Variants in EEF2K observed in about 807,000 individuals in gnomAD.
EEF2K encodes eukaryotic elongation factor 2 kinase.
In EEF2K, 70 loss-of-function variants were observed where a neutral mutation model predicts 93.8. That is an observed-to-expected ratio of 0.75 (90% CI 0.62 to 0.91). The LOEUF (loss-of-function observed/expected upper bound fraction) is 0.91, where lower values mean the gene tolerates loss of function less well. EEF2K is among the 40% of genes least tolerant of loss of function. The probability of loss-of-function intolerance (pLI) is 0.00; values close to 1 mark genes in which losing one functional copy is unlikely to be tolerated. For synonymous variants in EEF2K, 376 were observed against 380.8 expected (o/e 0.99, Z 0.15); for missense variants, 935 against 972.9 (o/e 0.96, Z 0.52).
chr16:22,248,890 C>T (rs2141668260), intron 4 of EEF2K, 75 bp downstream of exon 4: 3 of 1,441,992 alleles, frequency 2.1e-6, no homozygotes, highest in Non-Finnish European at 2.9e-6. Context: ...TCTGTGCACC[C>T]TTCTCTCCCA....
At chr16:22,241,659 A>C (rs1433549338) in intron 2 of EEF2K, among the ~76,000 whole-genome samples, 1 of 151,484 alleles carries the variant, frequency 6.6e-6, no homozygotes, top group African/African-American at 2.4e-5. Flanking sequence ...AAAAAAAAAA[A>C]AAACATATAG....
rs1028032473 is a variant in EEF2K at position 22,286,656 on chromosome 16, G to C, written c.*2660G>C. 1 of 152,206 alleles carries C rather than the reference G, an allele frequency of 6.6e-6. No homozygotes were observed. Among genetic ancestry groups the C allele is most frequent in the Non-Finnish European group, 1.5e-5 (1 of 68,034 alleles). The allele number at this position is 152,206 out of a possible 1,614,324, so 9.4% of individuals were successfully genotyped here. A position where few individuals can be genotyped will look rare whatever the true frequency, so the allele number is the denominator to read the frequency against. ...AAACGGGTGGCCCTTTTGGGCTGTAGTTTGTCAACCCTTGCTCTAACCCTT... is the reference window on the plus strand; with the variant it reads ...AAACGGGTGGCCCTTTTGGGCTGTACTTTGTCAACCCTTGCTCTAACCCTT... On this transcript the variant is annotated 3_prime_UTR_variant, in exon 18 of 18. Coordinates refer to ENST00000263026, the MANE Select transcript of EEF2K (RefSeq NM_013302.5).
rs745362197 is a variant in EEF2K at position 22,258,490 on chromosome 16, C to A, written c.1030-4C>A. ...GACATGAGTATCCCTATTAATGTCC[C>A]TAGCAATCAGCCAAGACCATCTTGA... On this transcript the variant is annotated splice_region_variant and splice_polypyrimidine_tract_variant and intron_variant, in intron 9 of 17. Coordinates refer to ENST00000263026, the MANE Select transcript of EEF2K (RefSeq NM_013302.5). 1.2e-6 allele frequency: 2 copies of A among 1,613,844 alleles called. No homozygotes were observed. Among genetic ancestry groups the A allele is most frequent in the Admixed American group, 3.3e-5 (2 of 59,980 alleles).
At chr16:22,214,503 A>T (rs1187070835) in intron 1 of EEF2K, among the ~76,000 whole-genome samples, 1 of 152,014 alleles carries the variant, frequency 6.6e-6, no homozygotes, top group Non-Finnish European at 1.5e-5. Flanking sequence ...CTATAAAAAT[A>T]AAATAACATA....
Position 22,251,311 on chromosome 16 carries a change from C to T in EEF2K, c.607C>T (p.Pro203Ser). The change falls in exon 6 of 18, where the codon CCC (proline) becomes TCC (serine). Residue 203 changes from proline to serine, a missense_variant. Coordinates refer to ENST00000263026, the MANE Select transcript of EEF2K (RefSeq NM_013302.5). ...GGGGGAGGAGTATAATCGGCACAAG[C>T]CCCCCAAGCAGGTGCGTGGCCCCAC... ...LWGEEYNRHK[P>S]PKQVDIMQMC... 10 of 1,613,904 alleles carry T rather than the reference C, an allele frequency of 6.2e-6. No homozygotes were observed. Among genetic ancestry groups the T allele is most frequent in the South Asian group, 2.2e-5 (2 of 91,062 alleles).
chr16:22,273,815 G>A lies in EEF2K; in HGVS notation c.1889+65G>A, dbSNP rs181491727. On this transcript the variant is annotated intron_variant, in intron 16 of 17. Transcript: ENST00000263026. ...GGGCTGCAGGTGGGCGCTTGTCCTC[G>A]GTATCAGCACAGGCCTGGGTTCCAG... 46 of 1,591,936 alleles carry A rather than the reference G, an allele frequency of 2.9e-5. No individual in the cohort carries two copies. In the African/African-American group the frequency reaches 3.4e-4, roughly 12 times the overall value.
chr16:22,262,813 G>T (rs11649134), intron 11 of EEF2K, among the ~76,000 whole-genome samples: 14,279 of 152,164 alleles, frequency 0.094, 720 homozygotes, highest in South Asian at 0.13. Flanking sequence ...ATAAAGCCAG[G>T]ATTTGAGCCC....
chr16:22,222,303 T>C (rs1300038279), intron 1 of EEF2K, among the ~76,000 whole-genome samples: 1 of 151,780 alleles, frequency 6.6e-6, no homozygotes, highest in Admixed American at 6.6e-5. Flanking sequence ...CCTCCTGGGC[T>C]CAAGTGATCT....
Position 22,260,386 on chromosome 16 carries a change from G to A in EEF2K, c.1232-76G>A, listed in dbSNP as rs9934052. On this transcript the variant is annotated intron_variant, in intron 10 of 17. Transcript: ENST00000263026. ...AAAGGCTTGGTGGCAGGTATGGACC[G>A]CCCTAGGCCGTGGGTTGGTCTTATG... is the stretch of plus-strand genomic sequence containing the variant. The A allele has an allele frequency of 0.013, 19,870 of 1,515,534 alleles. 2,091 individuals carry two copies. In the African/African-American group the frequency reaches 0.23, roughly 18 times the overall value. The allele number at this position is 1,515,534 out of a possible 1,614,324, so 93.9% of individuals were successfully genotyped here.
At position 22,258,584 on chromosome 16, in the gene EEF2K, C is replaced by T. The variant is rs183300451; in HGVS notation, c.1120C>T (p.Arg374Cys). 2.2e-5 allele frequency: 35 copies of T among 1,614,148 alleles called. No individual in the cohort carries two copies. Among genetic ancestry groups the T allele is most frequent in the Middle Eastern group, 1.6e-4 (1 of 6,062 alleles). ...TLSGSRPPLLRPLSENSGDEN... is the reference protein window; with the variant it reads ...TLSGSRPPLLCPLSENSGDEN... ...CTCTGGGAGCCGGCCACCCCTGCTC[C>T]GTCCCCTTTCAGAGAACTCTGGAGA... The change falls in exon 10 of 18, where the codon CGT becomes TGT. Residue 374 changes from arginine (R) to cysteine (C), a missense_variant. By Grantham distance (180) the Arg-to-Cys change is radical. Coordinates refer to ENST00000263026, the MANE Select transcript of EEF2K (RefSeq NM_013302.5).
chr16:22,286,214 A>T lies in EEF2K; in HGVS notation c.*2218A>T, dbSNP rs1320805663. The T allele has an allele frequency of 1.3e-5, 2 of 152,172 alleles. No individual in the cohort carries two copies. Among genetic ancestry groups the T allele is most frequent in the African/African-American group, 2.4e-5 (1 of 41,434 alleles). 9.4% of individuals were successfully genotyped at this position (152,172 alleles called of 1,614,324 possible). A position where few individuals can be genotyped will look rare whatever the true frequency, so the allele number is the denominator to read the frequency against. The stretch of plus-strand genomic sequence containing the variant: ...ATCACCCTTTTGTCATCTGTACCAG[A>T]TCAGTAGTTGGCTTGTGTTACATTT... On this transcript the variant is annotated 3_prime_UTR_variant, in exon 18 of 18. Coordinates refer to ENST00000263026, the MANE Select transcript of EEF2K (RefSeq NM_013302.5).
At chr16:22,280,677 T>A (rs1272127156) in intron 17 of EEF2K, among the ~76,000 whole-genome samples, 1 of 149,842 alleles carries the variant, frequency 6.7e-6, no homozygotes, top group Non-Finnish European at 1.5e-5. Context: ...TTTTTTTTTT[T>A]TTTTTGAGAC....
In EEF2K at chr16:22,266,387, C is replaced by T. The variant is rs768580894; in HGVS notation, c.1441-3C>T. The T allele has an allele frequency of 9.3e-6, 15 of 1,612,938 alleles. No individual in the cohort carries two copies. The highest frequency in any genetic ancestry group is 1.7e-5 in the Admixed American group (1 of 59,592). On this transcript the variant is annotated splice_polypyrimidine_tract_variant and splice_region_variant and intron_variant, in intron 13 of 17. Coordinates refer to ENST00000263026, the MANE Select transcript of EEF2K (RefSeq NM_013302.5). ...GCTTCCCTGGCCGGTTCTTTCCCTT[C>T]AGGTATGTGTAGAGAAGTGGAATCT...
At position 22,258,825 on chromosome 16, in the gene EEF2K, T is replaced by C. The variant is rs1009731450; in HGVS notation, c.1231+130T>C. On this transcript the variant is annotated intron_variant, in intron 10 of 17. Coordinates refer to ENST00000263026, the MANE Select transcript of EEF2K (RefSeq NM_013302.5). ...AAGGTTCATGGCCCCAGTGGTTTTA[T>C]AGGTGAGTTTCATTGAGTGAACTTT... 3.6e-5 allele frequency: 45 copies of C among 1,233,440 alleles called. No individual in the cohort carries two copies. The African/African-American group carries it at 6.5e-4, about 18-fold the overall frequency. The allele number at this position is 1,233,440 out of a possible 1,614,324, so 76.4% of individuals were successfully genotyped here.
chr16:22,242,947 G>C (rs1425800035), intron 2 of EEF2K, among the ~76,000 whole-genome samples: 1 of 151,898 alleles, frequency 6.6e-6, no homozygotes, highest in Non-Finnish European at 1.5e-5. Flanking sequence ...AAATTAACCA[G>C]GTATGGTGGC....
At position 22,220,721 on chromosome 16, in the gene EEF2K, G is replaced by A. The variant is rs189770307; in HGVS notation, c.-76-4933G>A. ...TGGCCTCCCAAAGTGCTGGGATTAC[G>A]GGCATGAGCCATCACGCCTGGCCCT... On this transcript the variant is annotated intron_variant, in intron 1 of 17. Coordinates refer to ENST00000263026, the MANE Select transcript of EEF2K (RefSeq NM_013302.5). Among the ~76,000 whole-genome samples, 243 of 152,254 alleles carry A rather than the reference G, an allele frequency of 1.6e-3. 3 individuals carry two copies. Among genetic ancestry groups the A allele is most frequent in the Admixed American group, 0.015 (227 of 15,270 alleles).
rs371265228 is a variant in EEF2K, at chr16:22,250,710, C to G, written c.446+19C>G. 5.6e-6 allele frequency: 9 copies of G among 1,614,116 alleles called. No homozygotes were observed. The highest frequency in any genetic ancestry group is 6.8e-6 in the Non-Finnish European group (8 of 1,180,028). ...TCCGGACGTAAGTGACTCAGCCTGGCTCTTGGGGCCCTGCCCAGAGTCCCC... is the reference window on the plus strand; with the variant it reads ...TCCGGACGTAAGTGACTCAGCCTGGGTCTTGGGGCCCTGCCCAGAGTCCCC... On this transcript the variant is annotated intron_variant, in intron 5 of 17. Transcript: ENST00000263026.
At chr16:22,267,678 G>T (rs2047538653) in intron 15 of EEF2K, among the ~76,000 whole-genome samples, 2 of 152,054 alleles carry the variant, frequency 1.3e-5, no homozygotes, top group African/African-American at 4.8e-5. Flanking sequence ...GGGGAGGTGA[G>T]CAGCTCAGGT....
chr16:22,242,446 G>A (rs553961065), intron 2 of EEF2K, among the ~76,000 whole-genome samples: 9 of 151,760 alleles, frequency 5.9e-5, no homozygotes, highest in Admixed American at 2.6e-4. Context: ...TCAGCCTCCC[G>A]AGTATCTGGG....
Sources: allele counts gnomAD v4.1 joint callset (sites outside exome capture counted in the v4.1 genomes callset), GRCh38; gene constraint gnomAD v4.1.1; transcripts MANE v1.5; gene names NCBI Gene and HGNC (gene_info 2026-07-23, HGNC 2026-07-21).